Variants in NCOA2 observed in about 807,000 individuals in gnomAD.
NCOA2 encodes the protein class E basic helix-loop-helix protein 75.
In NCOA2, 21 loss-of-function variants were observed where a neutral mutation model predicts 145.1. That is an observed-to-expected ratio of 0.14 (90% CI 0.10 to 0.21). The LOEUF is 0.21. Among genes scored for constraint, NCOA2 ranks in the 10% least tolerant of loss-of-function variants. The probability of loss-of-function intolerance (pLI) is 1.00; values close to 1 mark genes in which losing one functional copy is unlikely to be tolerated. For missense variants in NCOA2, 1,472 were observed against 1,837.6 expected (o/e 0.80, Z 3.64); for synonymous variants, 619 against 637.5 (o/e 0.97, Z 0.44).
chr8:70,300,324 CA>C (rs1195246309), intron 1 of NCOA2, among the ~76,000 whole-genome samples: 9 of 151,626 alleles, frequency 5.9e-5, no homozygotes, highest in South Asian at 2.1e-4. Context: ...TTTTAAAATG[CA>C]AAAAAAAATT....
chr8:70,268,901 T>C (rs1824822617), intron 2 of NCOA2, among the ~76,000 whole-genome samples: 2 of 152,114 alleles, frequency 1.3e-5, no homozygotes, highest in South Asian at 4.1e-4. Flanking sequence ...GCTTGAAAAA[T>C]TATAAACACA....
At chr8:70,232,517 A>G (rs1563657311) in intron 2 of NCOA2, among the ~76,000 whole-genome samples, 1 of 152,024 alleles carries the variant, frequency 6.6e-6, no homozygotes, top group Non-Finnish European at 1.5e-5. Context: ...ATTTTCCTCA[A>G]CTTCCCTTCT....
chr8:70,256,718 C>T (rs533141921), intron 2 of NCOA2, among the ~76,000 whole-genome samples: 54 of 152,224 alleles, frequency 3.5e-4, no homozygotes, highest in African/African-American at 1.3e-3. Flanking sequence ...TTATGTCTCC[C>T]AATTTACACA....
chr8:70,157,463 G>C (rs11985715), intron 10 of NCOA2, among the ~76,000 whole-genome samples: 1,621 of 152,278 alleles, frequency 0.011, 30 homozygotes, highest in African/African-American at 0.036. Flanking sequence ...AAGATGTCTG[G>C]TTTTACAGAG....
intron 1 of NCOA2, among the ~76,000 whole-genome samples, chr8:70,367,390 G>A (rs1810810693): frequency 6.6e-6 from 1 of 152,144 alleles, no homozygotes; most frequent in Non-Finnish European, 1.5e-5. Context: ...ATAGTATTAA[G>A]TACTACTATT....
chr8:70,134,944 T>C (rs1809559186), intron 15 of NCOA2, among the ~76,000 whole-genome samples: 1 of 152,056 alleles, frequency 6.6e-6, no homozygotes, highest in Non-Finnish European at 1.5e-5. Flanking sequence ...TGCTCTCAGG[T>C]TCCCATTCCC....
intron 2 of NCOA2, among the ~76,000 whole-genome samples, chr8:70,255,065 T>C (rs955284467): frequency 6.6e-6 from 1 of 152,152 alleles, no homozygotes; most frequent in Non-Finnish European, 1.5e-5. Flanking sequence ...AAAAATACTT[T>C]TATACCTCAA....
chr8:70,287,327 A>G (rs973120127), intron 2 of NCOA2, among the ~76,000 whole-genome samples: 2 of 152,046 alleles, frequency 1.3e-5, no homozygotes, highest in African/African-American at 4.8e-5. Flanking sequence ...AGAATGTAGT[A>G]TTTTCTCTTT....
chr8:70,237,986 G>A (rs965626361), intron 2 of NCOA2, among the ~76,000 whole-genome samples: 1 of 152,068 alleles, frequency 6.6e-6, no homozygotes, highest in African/African-American at 2.4e-5. Flanking sequence ...ATATGATTTA[G>A]CCAAATGACT....
At chr8:70,338,722 C>G (rs2136422506) in intron 1 of NCOA2, among the ~76,000 whole-genome samples, 1 of 152,250 alleles carries the variant, frequency 6.6e-6, no homozygotes, top group Non-Finnish European at 1.5e-5. Flanking sequence ...AGAAGCACAT[C>G]AAAAAGCTTA....
chr8:70,317,349 G>GT (rs751069743), intron 1 of NCOA2, among the ~76,000 whole-genome samples: 63 of 152,212 alleles, frequency 4.1e-4, no homozygotes, highest in Non-Finnish European at 8.1e-4. Context: ...TAAGACTGTC[G>GT]TGAGAGGATA....
chr8:70,211,055 G>T (rs1563626036), intron 4 of NCOA2, among the ~76,000 whole-genome samples: 1 of 152,192 alleles, frequency 6.6e-6, no homozygotes, highest in Non-Finnish European at 1.5e-5. Flanking sequence ...CTTATGTGTT[G>T]TTCTTACTGG....
chr8:70,145,308 C>T (rs1810914764), intron 12 of NCOA2, among the ~76,000 whole-genome samples: 1 of 108,422 alleles, frequency 9.2e-6, no homozygotes, highest in Admixed American at 9.5e-5. Context: ...TAGGCGTGCA[C>T]TACCATGCCC....
intron 1 of NCOA2, among the ~76,000 whole-genome samples, chr8:70,297,718 T>C (rs1827193039): frequency 6.6e-6 from 1 of 152,182 alleles, no homozygotes; most frequent in Non-Finnish European, 1.5e-5. Context: ...AAGGAAGAAC[T>C]GAATATTTTC....
At chr8:70,130,760 A>G (rs1339248011) in intron 16 of NCOA2, among the ~76,000 whole-genome samples, 1 of 152,236 alleles carries the variant, frequency 6.6e-6, no homozygotes, top group East Asian at 1.9e-4. Flanking sequence ...AGTAGACTGG[A>G]CACTGGCAGG....
the NCOA2 span, among the ~76,000 whole-genome samples, chr8:70,416,457 C>T: frequency 6.6e-6 from 1 of 152,140 alleles, no homozygotes; most frequent in Non-Finnish European, 1.5e-5. Flanking sequence ...ATACTTCTGC[C>T]TAACATGATA....
chr8:70,132,720 C>T (rs1239529798), intron 15 of NCOA2, among the ~76,000 whole-genome samples: 4 of 152,180 alleles, frequency 2.6e-5, no homozygotes, highest in East Asian at 1.9e-4. Flanking sequence ...CGCGCCACCA[C>T]GCCTGGCTAA....
At chr8:70,292,213 C>T (rs995281933) in intron 2 of NCOA2, among the ~76,000 whole-genome samples, 1 of 151,786 alleles carries the variant, frequency 6.6e-6, no homozygotes, top group Non-Finnish European at 1.5e-5. Flanking sequence ...AGTGCGGTGG[C>T]GTGATCTCGG....
At chr8:70,169,925 C>CAT in intron 6 of NCOA2, among the ~76,000 whole-genome samples, 1 of 70,434 alleles carries the variant, frequency 1.4e-5, no homozygotes, top group African/African-American at 4.5e-5. Flanking sequence ...ATCATCATCA[C>CAT]TTCTTGGCCT....
Sources: gnomAD v4.1 joint callset for allele counts (sites outside exome capture counted in the v4.1 genomes callset) on GRCh38, gnomAD v4.1.1 for gene constraint, MANE v1.5 for transcripts, NCBI Gene and HGNC (gene_info 2026-07-23, HGNC 2026-07-21) for gene names.